FAM120C: variants seen among roughly 807,000 people sequenced by gnomAD.
The protein encoded by FAM120C is family with sequence similarity 120 member C.
Under a neutral mutation model 71.2 loss-of-function variants are expected in FAM120C, and 14 were observed. The observed-to-expected ratio is 0.20, with a 90% CI of 0.13 to 0.31. The LOEUF is 0.31. FAM120C is among the 10% of genes least tolerant of loss of function. The pLI is 1.00. For synonymous variants in FAM120C, 354 were observed against 353.2 expected (o/e 1.00, Z -0.03); for missense variants, 500 against 879.0 (o/e 0.57, Z 5.45).
chrX:54,124,580 C>T (rs1294653776), intron 9 of FAM120C, among the ~76,000 whole-genome samples: 6 of 96,466 alleles, frequency 6.2e-5, no homozygotes, highest in Admixed American at 1.2e-4. Context: ...CTTCGGCTCG[C>T]GCACGGTGCG....
At chrX:54,135,277 G>A in intron 6 of FAM120C, among the ~76,000 whole-genome samples, 166 bp from the exon 7 acceptor site, 1 of 112,170 alleles carries the variant, frequency 8.9e-6, no homozygotes, top group Admixed American at 9.5e-5. Context: ...ATCCTCCACA[G>A]ACAGGACAAT....
chrX:54,125,390 C>A (rs1243428604), intron 9 of FAM120C, among the ~76,000 whole-genome samples: 6 of 111,114 alleles, frequency 5.4e-5, no homozygotes, highest in African/African-American at 2.0e-4. Context: ...CTTCTACCCA[C>A]TGGGCTCAAG....
intron 10 of FAM120C, among the ~76,000 whole-genome samples, chrX:54,112,049 T>C (rs1174424169): frequency 2.4e-4 from 27 of 112,190 alleles, no homozygotes; most frequent in African/African-American, 8.7e-4. Flanking sequence ...ACCTTTTTAA[T>C]GGTATTGGGA....
intron 3 of FAM120C, among the ~76,000 whole-genome samples, chrX:54,156,869 G>A (rs962315814): frequency 6.3e-5 from 6 of 95,308 alleles, no homozygotes; most frequent in African/African-American, 2.3e-4. Context: ...CCTGGGTGAC[G>A]GAGTAAGACT....
intron 15 of FAM120C, among the ~76,000 whole-genome samples, chrX:54,074,285 C>T (rs781859041): frequency 1.7e-4 from 19 of 111,881 alleles, no homozygotes; most frequent in Non-Finnish European, 3.4e-4. Flanking sequence ...AGTCATAGGG[C>T]CAGGATTCTA....
chrX:54,176,865 C>T (rs782648972), intron 1 of FAM120C, among the ~76,000 whole-genome samples: 4 of 110,443 alleles, frequency 3.6e-5, no homozygotes, highest in South Asian at 3.9e-4. Context: ...GAGAATTATG[C>T]GATATGAAAA....
intron 2 of FAM120C, 107 bp from the exon 3 acceptor site, chrX:54,157,878 C>A: frequency 2.0e-6 from 1 of 500,383 alleles, no homozygotes; most frequent in South Asian, 3.1e-5. Context: ...TCACATAGGT[C>A]TGTATTCTTA....
intron 4 of FAM120C, among the ~76,000 whole-genome samples, chrX:54,150,247 A>G (rs1557132837): frequency 8.9e-6 from 1 of 112,093 alleles, no homozygotes; most frequent in East Asian, 2.8e-4. Context: ...AAATGTGCTC[A>G]GAATACCTTA....
chrX:54,180,300 T>C (rs982546213), intron 1 of FAM120C, among the ~76,000 whole-genome samples: 16 of 112,466 alleles, frequency 1.4e-4, no homozygotes, highest in African/African-American at 5.2e-4. Flanking sequence ...TCTTCATGGC[T>C]TAGCACCATC....
At chrX:54,156,425 C>T (rs1225235232) in intron 3 of FAM120C, among the ~76,000 whole-genome samples, 1 of 102,463 alleles carries the variant, frequency 9.8e-6, no homozygotes, top group African/African-American at 3.6e-5. Context: ...TGGGTTCAAG[C>T]GATTCTCCTG....
chrX:54,134,394 C>T (rs782391528), intron 7 of FAM120C, among the ~76,000 whole-genome samples: 7 of 112,433 alleles, frequency 6.2e-5, no homozygotes, highest in South Asian at 7.3e-4. Flanking sequence ...GAATAATCAA[C>T]GAACAAATGA....
chrX:54,087,167 G>A (rs2066798874), intron 12 of FAM120C, among the ~76,000 whole-genome samples: 1 of 110,123 alleles, frequency 9.1e-6, no homozygotes, highest in South Asian at 3.9e-4. Flanking sequence ...ACAAAAATTA[G>A]CTGGGCCTGG....
intron 10 of FAM120C, among the ~76,000 whole-genome samples, chrX:54,110,414 A>G (rs782030675): frequency 1.8e-5 from 2 of 110,626 alleles, no homozygotes; most frequent in African/African-American, 6.6e-5. Flanking sequence ...GTGAAGGGAG[A>G]AGTATACTGA....
rs1603350880 is a variant in FAM120C at position 54,073,283 on chromosome X, G to A, written c.3041C>T (p.Ser1014Phe). Reference sequence around the variant, plus strand: ...CAGGGATTTAGAAACTCCATCTGAAGAGCCCTGTTAAAAACAGAGATACTC... The same window carrying A: ...CAGGGATTTAGAAACTCCATCTGAAAAGCCCTGTTAAAAACAGAGATACTC... ...KGHKKGNKQG[S>F]SDGVSKSLEL... Residue 1014 changes from serine to phenylalanine, a missense_variant, in exon 16 of 16, where the codon TCT becomes TTT. By Grantham distance (155) the Ser-to-Phe change is radical. Around this residue, in one of 11 missense-constraint regions of FAM120C, gnomAD observed 85 missense variants for 96.1 expected, o/e 0.88. Coordinates refer to ENST00000375180, the MANE Select transcript of FAM120C (RefSeq NM_017848.6). 5 of 1,200,709 alleles carry A rather than the reference G, an allele frequency of 4.2e-6. No homozygotes were observed. In the East Asian group the frequency reaches 1.5e-4, roughly 36 times the overall value.
chrX:54,104,906 G>A (rs1280427244), intron 10 of FAM120C, among the ~76,000 whole-genome samples: 1 of 111,504 alleles, frequency 9.0e-6, no homozygotes, highest in Admixed American at 9.6e-5. Context: ...TGAAAGTGAG[G>A]CAGTAATTAA....
intron 1 of FAM120C, chrX:54,171,778 C>T (rs1323729170): frequency 2.7e-5 from 3 of 112,138 alleles, no homozygotes; most frequent in Admixed American, 1.9e-4. Flanking sequence ...TCGGTAACTA[C>T]TTCCGAGGTA....
intron 10 of FAM120C, among the ~76,000 whole-genome samples, chrX:54,099,584 CTT>C (rs1260340308): frequency 8.9e-6 from 1 of 111,855 alleles, no homozygotes; most frequent in Non-Finnish European, 1.9e-5. Context: ...AAGAATACCT[CTT>C]GTCTTCTAAG....
chrX:54,083,810 G>A (rs1370833821), intron 13 of FAM120C, among the ~76,000 whole-genome samples: 1 of 110,983 alleles, frequency 9.0e-6, no homozygotes, highest in Non-Finnish European at 1.9e-5. Flanking sequence ...CCACCTCCCG[G>A]GTTCAAGCAA....
At chrX:54,177,081 G>A (rs1007177052) in intron 1 of FAM120C, among the ~76,000 whole-genome samples, 1 of 111,331 alleles carries the variant, frequency 9.0e-6, no homozygotes, top group Non-Finnish European at 1.9e-5. Flanking sequence ...GTATGTCTAG[G>A]AAACTAAGAA....
Sources: gnomAD v4.1 joint callset for allele counts (sites outside exome capture counted in the v4.1 genomes callset) on GRCh38, gnomAD v4.1.1 for gene constraint, gnomAD v4.1.1 regional missense constraint, MANE v1.5 for transcripts, NCBI Gene and HGNC (gene_info 2026-07-23, HGNC 2026-07-21) for gene names.